Variants in TDRD12 observed in about 807,000 individuals in gnomAD.
TDRD12 encodes putative ATP-dependent RNA helicase TDRD12.
TDRD12 carries 158 observed loss-of-function variants against 133.5 expected under a neutral mutation model. The observed-to-expected ratio is 1.18, with a 90% CI of 1.04 to 1.35. The LOEUF is 1.35. Ranked by LOEUF, TDRD12 falls within the 40% of genes most tolerant of loss-of-function variation. TDRD12 has a pLI of 0.00. For missense variants in TDRD12, 1,443 were observed against 1,321.3 expected (o/e 1.09, Z -1.43); for synonymous variants, 460 against 477.9 (o/e 0.96, Z 0.49).
intron 1 of TDRD12, among the ~76,000 whole-genome samples, chr19:32,725,445 T>C (rs1968828964): frequency 6.6e-6 from 1 of 152,158 alleles, no homozygotes; most frequent in Non-Finnish European, 1.5e-5. Flanking sequence ...CTAGCCAGTT[T>C]TCCCAGCACC....
At chr19:32,753,963 G>A (rs886638850) in intron 6 of TDRD12, among the ~76,000 whole-genome samples, 64 of 152,200 alleles carry the variant, frequency 4.2e-4, no homozygotes, top group African/African-American at 1.5e-3. Context: ...TTTGTATTTA[G>A]TCTTCACATT....
intron 6 of TDRD12, among the ~76,000 whole-genome samples, chr19:32,753,719 G>T (rs1012137209): frequency 2.8e-4 from 38 of 134,290 alleles, no homozygotes. Context: ...GGGTTTCACT[G>T]TGTTAGCCAG....
chr19:32,720,112 C>T lies in TDRD12; in HGVS notation c.24+16C>T, dbSNP rs1024292310. 4 of 1,546,228 alleles carry T rather than the reference C, an allele frequency of 2.6e-6. No individual in the cohort carries two copies. The highest frequency in any genetic ancestry group is 1.2e-5 in the South Asian group (1 of 83,958). ...GGTGCTGAAGGTGAGCGCCGCCAAG[C>T]CAGACCCACGCCAGACCCACGCAGT... On this transcript the variant is annotated intron_variant, in intron 1 of 27. Coordinates refer to ENST00000444215, the Ensembl canonical transcript of TDRD12.
chr19:32,765,205 G>A (rs1970260647), intron 8 of TDRD12, among the ~76,000 whole-genome samples: 2 of 152,186 alleles, frequency 1.3e-5, no homozygotes, highest in South Asian at 4.1e-4. Flanking sequence ...TCTCACACCA[G>A]TTAGAATGGC....
chr19:32,733,639 A>AG (rs1368969058), intron 2 of TDRD12, among the ~76,000 whole-genome samples: 1 of 152,070 alleles, frequency 6.6e-6, no homozygotes, highest in Non-Finnish European at 1.5e-5. Flanking sequence ...GATTGACCAG[A>AG]GGGGACATCC....
intron 8 of TDRD12, among the ~76,000 whole-genome samples, chr19:32,769,018 T>C (rs1312703460): frequency 1.3e-5 from 2 of 152,140 alleles, no homozygotes; most frequent in African/African-American, 4.8e-5. Flanking sequence ...GCTGGGATTA[T>C]AGGTGCAAGC....
rs1221482009 is a variant in TDRD12 at position 32,748,534 on chromosome 19, A to C, written c.496+3A>C. ...GTACTTTCAGAACCTTCTGAAAGGT[A>C]AGCCAGTGCCTGATCACTGCAGCCT... On this transcript the variant is annotated splice_donor_region_variant and intron_variant, in intron 5 of 27. Transcript: ENST00000444215. 23 of 1,551,214 alleles carry C rather than the reference A, an allele frequency of 1.5e-5. No individual in the cohort carries two copies. The highest frequency in any genetic ancestry group is 2.0e-5 in the Non-Finnish European group (23 of 1,146,618).
rs572839242 is a variant in TDRD12 at position 32,775,662 on chromosome 19, T to G, written c.1041-1487T>G. Among the ~76,000 whole-genome samples, 44 of 139,116 alleles carry G rather than the reference T, an allele frequency of 3.2e-4. 1 individual carries two copies. The East Asian group carries it at 8.3e-3, about 26-fold the overall frequency. The allele number at this position is 139,116 out of a possible 152,430, so 91.3% of individuals were successfully genotyped here. A position where few individuals can be genotyped will look rare whatever the true frequency, so the allele number is the denominator to read the frequency against. On this transcript the variant is annotated intron_variant, in intron 10 of 27. Coordinates refer to ENST00000444215, the Ensembl canonical transcript of TDRD12. ...TTTCTTGTTTCTAAAATTTTCCTTG[T>G]TTTTTTTTTTCAAAAGTTTATATTT...
At chr19:32,749,507 C>T (rs1969758467) in intron 5 of TDRD12, among the ~76,000 whole-genome samples, 1 of 152,050 alleles carries the variant, frequency 6.6e-6, no homozygotes, top group African/African-American at 2.4e-5. Flanking sequence ...GTAGAATGGA[C>T]CTCAGATGAA....
At chr19:32,818,998 C>G (rs982302604) in intron 27 of TDRD12, among the ~76,000 whole-genome samples, 3 of 151,884 alleles carry the variant, frequency 2.0e-5, no homozygotes, top group African/African-American at 7.3e-5. Flanking sequence ...TTGAGAGATT[C>G]CTAAGTTCAG....
At chr19:32,825,385 T>C (rs946782959), downstream of TDRD12, among the ~76,000 whole-genome samples, 2 of 152,068 alleles carry the variant, frequency 1.3e-5, no homozygotes, top group Non-Finnish European at 2.9e-5. The surrounding 1 kb of genome is among the most constrained non-coding windows in gnomAD (Gnocchi z 4.1). Context: ...ATTGCGTTGT[T>C]TGAGAATATG....
At chr19:32,797,406 T>A (rs1971262686) in intron 14 of TDRD12, among the ~76,000 whole-genome samples, 1 of 152,188 alleles carries the variant, frequency 6.6e-6, no homozygotes, top group Admixed American at 6.5e-5. Context: ...GTATTAGCTG[T>A]GCAGCCTTGG....
chr19:32,750,089 A>G (rs908379045), intron 6 of TDRD12, among the ~76,000 whole-genome samples: 3 of 149,666 alleles, frequency 2.0e-5, no homozygotes, highest in Admixed American at 6.6e-5. Context: ...TGGTCAAGAA[A>G]TTATTCCTAT....
At position 32,730,366 on chromosome 19, in the gene TDRD12, G is replaced by T. The variant is rs138855508; in HGVS notation, c.25-1359G>T. Among the ~76,000 whole-genome samples, 436 of 152,268 alleles carry T rather than the reference G, an allele frequency of 2.9e-3. 2 individuals carry two copies. Among genetic ancestry groups the T allele is most frequent in the African/African-American group, 9.8e-3 (408 of 41,562 alleles). On this transcript the variant is annotated intron_variant, in intron 1 of 27. Transcript: ENST00000444215. ...GGAATGGGCTCAGGGGAAAAGCCGTGTAAAAGTGGATCTCACCCAGGGAAG... is the reference window on the plus strand; with the variant it reads ...GGAATGGGCTCAGGGGAAAAGCCGTTTAAAAGTGGATCTCACCCAGGGAAG...
In TDRD12 at chr19:32,769,114, A is replaced by G. The variant is rs140471600; in HGVS notation, c.866-3639A>G. On this transcript the variant is annotated intron_variant, in intron 8 of 27. Coordinates refer to ENST00000444215, the Ensembl canonical transcript of TDRD12. ...ATTTCCTTCTAGTCTGTGGCTTTTC[A>G]TTTTCTTAATGGTATTTTTCAGAGG... 1.8e-4 allele frequency among the ~76,000 whole-genome samples: 28 copies of G among 151,998 alleles called. No individual in the cohort carries two copies. The East Asian group carries it at 3.9e-3, about 21-fold the overall frequency.
At chr19:32,743,419 GCTTT>G (rs1380386033) in intron 4 of TDRD12, among the ~76,000 whole-genome samples, 1 of 141,226 alleles carries the variant, frequency 7.1e-6, no homozygotes, top group Non-Finnish European at 1.5e-5. Flanking sequence ...CTCCCTTCTT[GCTTT>G]CTTTTTTTGA....
chr19:32,755,423 T>C (rs1428227415), intron 6 of TDRD12, among the ~76,000 whole-genome samples: 1 of 152,234 alleles, frequency 6.6e-6, no homozygotes, highest in African/African-American at 2.4e-5. Context: ...CACCTCATTG[T>C]GGTTTAAATT....
intron 10 of TDRD12, among the ~76,000 whole-genome samples, chr19:32,775,774 C>T (rs1346609721): frequency 2.6e-5 from 4 of 152,110 alleles, no homozygotes; most frequent in Non-Finnish European, 2.9e-5. Flanking sequence ...CACCCTGAGC[C>T]ACCAGAGGTT....
rs572098924 is a variant in TDRD12, at chr19:32,787,740, C to T, written c.1122-2791C>T. Among the ~76,000 whole-genome samples the T allele has an allele frequency of 5.9e-5, 9 of 152,332 alleles. No individual in the cohort carries two copies. The South Asian group carries it at 1.5e-3, about 25-fold the overall frequency. On this transcript the variant is annotated intron_variant, in intron 11 of 27. Coordinates refer to ENST00000444215, the Ensembl canonical transcript of TDRD12. ...AGCAAGGATCTGTGGGCGTGGGACC[C>T]GCCGAGCCAGGCACAGGAGGGAATC...
Sources: allele counts gnomAD v4.1 joint callset (sites outside exome capture counted in the v4.1 genomes callset), GRCh38; gene constraint gnomAD v4.1.1; non-coding constraint Gnocchi (gnomAD v3.1); transcripts MANE v1.5; gene names NCBI Gene and HGNC (gene_info 2026-07-23, HGNC 2026-07-21).